The following TEAD1 variants were observed in gnomAD, a reference collection of about 807,000 sequenced individuals.
TEAD1 encodes the protein transcriptional enhancer factor TEF-1.
A neutral mutation model predicts 54.9 loss-of-function variants in TEAD1; 9 were observed. That is an observed-to-expected ratio of 0.16 (90% CI 0.10 to 0.29). The LOEUF is 0.29. Ranked by LOEUF, TEAD1 falls within the 10% of genes least tolerant of loss-of-function variation. TEAD1 has a pLI of 1.00. For synonymous variants in TEAD1, 200 were observed against 187.8 expected (o/e 1.07, Z -0.53); for missense variants, 387 against 535.9 (o/e 0.72, Z 2.74).
At chr11:12,741,127 T>C (rs1944642170) in intron 2 of TEAD1, among the ~76,000 whole-genome samples, 1 of 152,206 alleles carries the variant, frequency 6.6e-6, no homozygotes, top group Admixed American at 6.5e-5. Context: ...GTTATAATCA[T>C]GTAATTTTGC....
At chr11:12,887,104 T>G (rs112149664) in intron 9 of TEAD1, among the ~76,000 whole-genome samples, 7,408 of 149,486 alleles carry the variant, frequency 0.05, 324 homozygotes, top group Non-Finnish European at 0.069. Context: ...TTTGTTTTTT[T>G]TTTTTTTGGA....
In TEAD1 at chr11:12,944,492, A is replaced by T. The variant is rs964814229; in HGVS notation, c.*7270A>T. Reference sequence around the variant, plus strand: ...TTTATAAAGTGCTTTGTAAAAAAAAAAAAATGTATTCTAGCTTTTGCGGTA... The same window carrying T: ...TTTATAAAGTGCTTTGTAAAAAAAATAAAATGTATTCTAGCTTTTGCGGTA... On this transcript the variant is annotated 3_prime_UTR_variant, in exon 13 of 13. Transcript: ENST00000527636. 2 of 152,412 alleles carry T rather than the reference A, an allele frequency of 1.3e-5. No homozygotes were observed. Among genetic ancestry groups the T allele is most frequent in the African/African-American group, 4.8e-5 (2 of 41,362 alleles). 9.4% of individuals were successfully genotyped at this position (152,412 alleles called of 1,614,324 possible).
chr11:12,765,164 G>C (rs1401921036), intron 3 of TEAD1, among the ~76,000 whole-genome samples: 1 of 152,038 alleles, frequency 6.6e-6, no homozygotes, highest in Non-Finnish European at 1.5e-5. Flanking sequence ...TAACTATTTG[G>C]CTCTGGATGC....
intron 3 of TEAD1, among the ~76,000 whole-genome samples, chr11:12,799,003 T>C (rs1237858030): frequency 6.6e-6 from 1 of 152,220 alleles, no homozygotes; most frequent in African/African-American, 2.4e-5. Context: ...AATAAAAAGA[T>C]TAGAACACTT....
rs746485324 is a variant in TEAD1 at position 12,930,170 on chromosome 11, A to C, written c.1015-4A>C. On this transcript the variant is annotated splice_region_variant and splice_polypyrimidine_tract_variant and intron_variant, in intron 11 of 12. Coordinates refer to ENST00000527636, the MANE Select transcript of TEAD1 (RefSeq NM_021961.6). ...AAAATACTGAAATCCTTTTTTCCTC[A>C]CAGACGGAGTATGCAAGGTTTGAGA... is the stretch of plus-strand genomic sequence containing the variant. 87 of 1,613,944 alleles carry C rather than the reference A, an allele frequency of 5.4e-5. No individual in the cohort carries two copies. Among genetic ancestry groups the C allele is most frequent in the Non-Finnish European group, 7.2e-5 (85 of 1,179,978 alleles).
At chr11:12,783,133 T>TGTGTGTGC (rs1198828193) in intron 3 of TEAD1, among the ~76,000 whole-genome samples, 31 of 145,570 alleles carry the variant, frequency 2.1e-4, no homozygotes, top group African/African-American at 7.0e-4. Flanking sequence ...TGTGTGTGTG[T>TGTGTGTGC]GCGCGCACTT....
chr11:12,740,819 G>A (rs7943270), intron 2 of TEAD1, among the ~76,000 whole-genome samples: 7 of 152,008 alleles, frequency 4.6e-5, no homozygotes, highest in African/African-American at 9.7e-5. Context: ...GGGTGGGGAC[G>A]CAGCCAAACC....
chr11:12,696,976 T>C lies in TEAD1; in HGVS notation c.-55+21415T>C, dbSNP rs1267457514. On this transcript the variant is annotated intron_variant, in intron 2 of 12. Coordinates refer to ENST00000527636, the MANE Select transcript of TEAD1 (RefSeq NM_021961.6). ...AGACTGGAACATTTCAAGGCTTGAC[T>C]TAGTCCTTTCTGCTGCCTGGTGTGC... Among the ~76,000 whole-genome samples the C allele has an allele frequency of 2.6e-5, 4 of 152,186 alleles. No individual in the cohort carries two copies. In the East Asian group the frequency reaches 7.7e-4, roughly 29 times the overall value.
chr11:12,916,202 G>A (rs573047784), intron 10 of TEAD1, among the ~76,000 whole-genome samples: 2 of 151,984 alleles, frequency 1.3e-5, no homozygotes, highest in Non-Finnish European at 2.9e-5. Flanking sequence ...CATGCCTTTT[G>A]AGAAATTTAT....
At chr11:12,692,808 T>G (rs1254612014) in intron 2 of TEAD1, among the ~76,000 whole-genome samples, 4 of 152,156 alleles carry the variant, frequency 2.6e-5, no homozygotes, top group Non-Finnish European at 5.9e-5. Context: ...GTCATGTCAG[T>G]AAATCTGCTG....
At chr11:12,841,455 G>A (rs1231800014) in intron 3 of TEAD1, among the ~76,000 whole-genome samples, 1 of 152,166 alleles carries the variant, frequency 6.6e-6, no homozygotes, top group Non-Finnish European at 1.5e-5. Flanking sequence ...AGTTTTTCTC[G>A]ATTATTTTTC....
chr11:12,840,189 G>A (rs984101515), intron 3 of TEAD1, among the ~76,000 whole-genome samples: 1 of 148,710 alleles, frequency 6.7e-6, no homozygotes, highest in Non-Finnish European at 1.5e-5. Context: ...GGAGCTTGCA[G>A]TGAGCCTGGA....
chr11:12,793,814 T>TGA (rs1945857685), intron 3 of TEAD1, among the ~76,000 whole-genome samples: 1 of 152,220 alleles, frequency 6.6e-6, no homozygotes. Flanking sequence ...GGGATCTCAC[T>TGA]GAGTGCTGAC....
intron 5 of TEAD1, among the ~76,000 whole-genome samples, chr11:12,869,741 G>A (rs953807537): frequency 1.4e-4 from 22 of 151,838 alleles, no homozygotes; most frequent in East Asian, 3.9e-4. Flanking sequence ...CCCACCCTCC[G>A]TCTTCAACCA....
At chr11:12,730,675 A>C (rs1291881566) in intron 2 of TEAD1, among the ~76,000 whole-genome samples, 2 of 138,088 alleles carry the variant, frequency 1.4e-5, no homozygotes, top group Non-Finnish European at 3.2e-5. Flanking sequence ...GCTTGCCTAC[A>C]GTGCTTTTCT....
At chr11:12,680,644 A>G (rs1943201202) in intron 2 of TEAD1, among the ~76,000 whole-genome samples, 1 of 152,212 alleles carries the variant, frequency 6.6e-6, no homozygotes, top group Non-Finnish European at 1.5e-5. Context: ...ACGTGCTCAC[A>G]TGCAGACTGC....
intron 9 of TEAD1, among the ~76,000 whole-genome samples, chr11:12,892,415 G>T (rs532799895): frequency 1.3e-5 from 2 of 152,120 alleles, no homozygotes; most frequent in African/African-American, 4.8e-5. Flanking sequence ...CAAGCAAGGC[G>T]TGTGGGTCAC....
Position 12,816,455 on chromosome 11 carries a change from C to CT in TEAD1, c.203-45792dup, listed in dbSNP as rs1215225358. Reference sequence around the variant, plus strand: ...AGGGGATTTCAGGGTAGGTTCAACACTTTAAGTTACCCCGCCCCCTTTTTG... The same window carrying CT: ...AGGGGATTTCAGGGTAGGTTCAACACTTTTAAGTTACCCCGCCCCCTTTTTG... On this transcript the variant is annotated intron_variant, in intron 3 of 12. Transcript: ENST00000527636. 2.0e-5 allele frequency among the ~76,000 whole-genome samples: 3 copies of CT among 152,348 alleles called. No homozygotes were observed. The East Asian group carries it at 5.8e-4, about 29-fold the overall frequency.
At chr11:12,790,874 G>T (rs1246005255) in intron 3 of TEAD1, among the ~76,000 whole-genome samples, 2 of 152,188 alleles carry the variant, frequency 1.3e-5, no homozygotes, top group African/African-American at 4.8e-5. Flanking sequence ...GTTGGTGAGG[G>T]GGGTGAAAAA....
Sources: allele counts gnomAD v4.1 joint callset (sites outside exome capture counted in the v4.1 genomes callset), GRCh38; gene constraint gnomAD v4.1.1; transcripts MANE v1.5; gene names NCBI Gene and HGNC (gene_info 2026-07-23, HGNC 2026-07-21).